The following SNX31 variants were observed in gnomAD, a reference collection of about 807,000 sequenced individuals.
The protein encoded by SNX31 is sorting nexin 31, also known as sorting nexin-31.
A neutral mutation model predicts 65.4 loss-of-function variants in SNX31; 58 were observed. The ratio of observed to expected loss-of-function variants is 0.89; its 90% CI spans 0.72 to 1.10. The LOEUF is 1.10. Among genes scored for constraint, SNX31 ranks in the 50% least tolerant of loss-of-function variants. The pLI is 0.00. For missense variants in SNX31, 523 were observed against 529.7 expected (o/e 0.99, Z 0.12); for synonymous variants, 181 against 190.1 (o/e 0.95, Z 0.39).
In SNX31 at chr8:100,604,422, T is replaced by C. The variant is rs547076431; in HGVS notation, c.682-3981A>G. 2.6e-5 allele frequency among the ~76,000 whole-genome samples: 4 copies of C among 152,324 alleles called. No homozygotes were observed. Among genetic ancestry groups the C allele is most frequent in the Non-Finnish European group, 5.9e-5 (4 of 68,020 alleles). On this transcript the variant is annotated intron_variant, in intron 8 of 13. Coordinates refer to ENST00000311812, the MANE Select transcript of SNX31 (RefSeq NM_152628.4). This position sits in a 1 kb window ranked among gnomAD's most constrained non-coding sequence, Gnocchi z 4.3. ...CCTCTCAAAGGCCGGCACTGGCCAC[T>C]CGGCTCTGGCGAAAGCATGGTGGAG...
At chr8:100,656,640 CAAAAAAAAAAAAAAA>C (rs34052612) in intron 1 of SNX31, among the ~76,000 whole-genome samples, 5 of 44,600 alleles carry the variant, frequency 1.1e-4, no homozygotes, top group Non-Finnish European at 2.0e-4. Flanking sequence ...GACTCTGTCT[CAAAAAAAAAAAAAAA>C]AAAAAAAAAA....
intron 8 of SNX31, among the ~76,000 whole-genome samples, chr8:100,601,331 G>A (rs951960387): frequency 6.6e-6 from 1 of 152,092 alleles, no homozygotes; most frequent in Non-Finnish European, 1.5e-5. Context: ...TAACAACATG[G>A]GAAATGTGTG....
intron 2 of SNX31, among the ~76,000 whole-genome samples, chr8:100,642,884 A>G (rs1030937453): frequency 1.3e-5 from 2 of 152,154 alleles, no homozygotes; most frequent in African/African-American, 4.8e-5. Context: ...GTGATCTGAC[A>G]AATATTTTCA....
Position 100,612,208 on chromosome 8 carries a change from T to C in SNX31, c.524-121A>G, listed in dbSNP as rs989576128. 5.1e-5 allele frequency: 32 copies of C among 626,166 alleles called. No homozygotes were observed. The highest frequency in any genetic ancestry group is 7.9e-5 in the Non-Finnish European group (28 of 355,752). 38.8% of individuals were successfully genotyped at this position (626,166 alleles called of 1,614,324 possible). A position where few individuals can be genotyped will look rare whatever the true frequency, so the allele number is the denominator to read the frequency against. The stretch of plus-strand genomic sequence containing the variant: ...AAATAATAAAATCACAGTAAGAATA[T>C]CCTCTGTATTTACACGTAATTTTAA... On this transcript the variant is annotated intron_variant, in intron 6 of 13. Transcript: ENST00000311812. This position sits in a 1 kb window ranked among gnomAD's most constrained non-coding sequence, Gnocchi z 4.3.
chr8:100,653,254 G>A (rs1820005011), upstream of SNX31, among the ~76,000 whole-genome samples: 1 of 152,150 alleles, frequency 6.6e-6, no homozygotes, highest in African/African-American at 2.4e-5. Context: ...CGATACATAG[G>A]AGAACTACAA....
chr8:100,587,366 A>T (rs1814137646), intron 11 of SNX31, among the ~76,000 whole-genome samples: 1 of 152,198 alleles, frequency 6.6e-6, no homozygotes, highest in Admixed American at 6.5e-5. Context: ...GGGAAATTCC[A>T]CACCTGATCT....
chr8:100,657,192 C>T (rs958988215), intron 1 of SNX31, among the ~76,000 whole-genome samples: 2 of 152,148 alleles, frequency 1.3e-5, no homozygotes, highest in East Asian at 1.9e-4. Flanking sequence ...GTGGCTCACA[C>T]CTGTAATCCC....
chr8:100,607,635 T>C (rs557968276), intron 8 of SNX31, among the ~76,000 whole-genome samples: 1 of 152,312 alleles, frequency 6.6e-6, no homozygotes, highest in South Asian at 2.1e-4. Flanking sequence ...TAATTGTACA[T>C]TTAAAAATAA....
intron 1 of SNX31, among the ~76,000 whole-genome samples, chr8:100,655,917 G>A (rs1363955010): frequency 6.6e-6 from 1 of 152,210 alleles, no homozygotes; most frequent in East Asian, 1.9e-4. Flanking sequence ...CATAACTAGA[G>A]GCAGTCAGAC....
chr8:100,636,366 G>A (rs1166869089), intron 2 of SNX31, among the ~76,000 whole-genome samples: 1 of 152,044 alleles, frequency 6.6e-6, no homozygotes, highest in Admixed American at 6.6e-5. Context: ...CAATTACAAC[G>A]GGAATTAAAT....
intron 1 of SNX31, chr8:100,657,663 G>A (rs1820073461): frequency 2.2e-6 from 1 of 455,818 alleles, no homozygotes; most frequent in African/African-American, 2.0e-5. Context: ...TGAAGTGGAG[G>A]GACAAGATGG....
intron 5 of SNX31, among the ~76,000 whole-genome samples, chr8:100,617,239 AG>A (rs2131077618): frequency 6.6e-6 from 1 of 152,294 alleles, no homozygotes; most frequent in East Asian, 1.9e-4. Context: ...CTGCACACCT[AG>A]GTATGACCTG....
intron 5 of SNX31, among the ~76,000 whole-genome samples, chr8:100,617,207 C>T (rs191510398): frequency 1.3e-5 from 2 of 152,280 alleles, no homozygotes; most frequent in East Asian, 3.9e-4. Flanking sequence ...AGAATAGGAA[C>T]CTTCAAGAAC....
At position 100,575,606 on chromosome 8, in the gene SNX31, T is replaced by C. The variant is rs1812986044; in HGVS notation, c.1227+1413A>G. Among the ~76,000 whole-genome samples, 1 of 152,146 alleles carries C rather than the reference T, an allele frequency of 6.6e-6. No individual in the cohort carries two copies. Among genetic ancestry groups the C allele is most frequent in the African/African-American group, 2.4e-5 (1 of 41,444 alleles). On this transcript the variant is annotated intron_variant, in intron 13 of 13. Coordinates refer to ENST00000311812, the MANE Select transcript of SNX31 (RefSeq NM_152628.4). The surrounding 1 kb of genome is among the most constrained non-coding windows in gnomAD (Gnocchi z 5.1). ...AACTTGAACATGCATCAGATTTGTC[T>C]GGTGGGCGTGTTAAAGAGATTGCTG...
At chr8:100,620,474 C>T (rs1817604116) in intron 4 of SNX31, among the ~76,000 whole-genome samples, 2 of 152,138 alleles carry the variant, frequency 1.3e-5, no homozygotes, top group South Asian at 4.1e-4. Context: ...CCACCACATG[C>T]TTACAATTAC....
chr8:100,608,400 G>A (rs1586931272), intron 8 of SNX31, 94 bp downstream of exon 8: 2 of 1,116,506 alleles, frequency 1.8e-6, no homozygotes, highest in African/African-American at 1.5e-5. Context: ...AGGTGTGGAG[G>A]TAGAATTACT....
At chr8:100,635,864 ATC>A in intron 3 of SNX31, 31 bp downstream of exon 3, 1 of 1,480,972 alleles carries the variant, frequency 6.8e-7, no homozygotes, top group Non-Finnish European at 9.4e-7. Context: ...ATTGCAATAA[ATC>A]TGTTTTTTAA....
At chr8:100,600,483 A>C (rs1815521435) in intron 8 of SNX31, 42 bp from the exon 9 acceptor site, 1 of 1,528,360 alleles carries the variant, frequency 6.5e-7, no homozygotes, top group Non-Finnish European at 9.0e-7. Context: ...TCTTAGCAGA[A>C]ATTAATCAAT....
At chr8:100,624,347 G>A (rs78976618) in intron 4 of SNX31, among the ~76,000 whole-genome samples, 10,849 of 152,206 alleles carry the variant, frequency 0.071, 812 homozygotes, top group African/African-American at 0.19. Context: ...ATATTTTTAA[G>A]TATCTGAAGA....
Sources: gnomAD v4.1 joint callset for allele counts (sites outside exome capture counted in the v4.1 genomes callset) on GRCh38, gnomAD v4.1.1 for gene constraint, Gnocchi (gnomAD v3.1) non-coding constraint, MANE v1.5 for transcripts, NCBI Gene and HGNC (gene_info 2026-07-23, HGNC 2026-07-21) for gene names.